Variants in RFX2 observed in about 807,000 individuals in gnomAD.
The protein encoded by RFX2 is regulatory factor X2.
A neutral mutation model predicts 87.8 loss-of-function variants in RFX2; 20 were observed. The ratio of observed to expected loss-of-function variants is 0.23; its 90% CI spans 0.16 to 0.33. The LOEUF is 0.33. RFX2 is among the 10% of genes least tolerant of loss of function. The probability of loss-of-function intolerance (pLI) is 1.00; values close to 1 mark genes in which losing one functional copy is unlikely to be tolerated. For missense variants in RFX2, 767 were observed against 1,012.3 expected (o/e 0.76, Z 3.29); for synonymous variants, 397 against 431.3 (o/e 0.92, Z 0.98).
intron 13 of RFX2, among the ~76,000 whole-genome samples, chr19:6,003,777 T>TGAAAAA (rs1318446976): frequency 6.1e-5 from 2 of 32,834 alleles, no homozygotes; most frequent in Non-Finnish European, 1.0e-4. Context: ...AGACTCTGTC[T>TGAAAAA]CAAAAAAAAA....
Position 6,024,289 on chromosome 19 carries a change from A to G in RFX2, c.597+1874T>C, listed in dbSNP as rs1366524938. 6.6e-6 allele frequency among the ~76,000 whole-genome samples: 1 copy of G among 152,058 alleles called. No individual in the cohort carries two copies. Among genetic ancestry groups the G allele is most frequent in the Non-Finnish European group, 1.5e-5 (1 of 68,002 alleles). ...CCCATGTATGTGCTCTGAGTTTAAG[A>G]CTGGGGGCTGGGGAGATCCTCTCTC... On this transcript the variant is annotated intron_variant, in intron 6 of 17. Coordinates refer to ENST00000303657, the MANE Select transcript of RFX2 (RefSeq NM_000635.4). The surrounding 1 kb of genome is among the most constrained non-coding windows in gnomAD (Gnocchi z 5.0).
rs1329880159 is a variant in RFX2, at chr19:6,012,563, G to C, written c.899+423C>G. On this transcript the variant is annotated intron_variant, in intron 8 of 17. Transcript: ENST00000303657. This position sits in a 1 kb window ranked among gnomAD's most constrained non-coding sequence, Gnocchi z 4.6. Reference sequence around the variant, plus strand: ...CCAAGAGTGAGCCCTGATGTTGACTGTGGACTCTGGGGGGTGATGCTGGCT... The same window carrying C: ...CCAAGAGTGAGCCCTGATGTTGACTCTGGACTCTGGGGGGTGATGCTGGCT... Among the ~76,000 whole-genome samples the C allele has an allele frequency of 1.1e-4, 16 of 152,106 alleles. No homozygotes were observed. The highest frequency in any genetic ancestry group is 1.0e-3 in the Admixed American group (16 of 15,274).
Position 6,039,080 on chromosome 19 carries a change from A to G in RFX2, c.522+900T>C, listed in dbSNP as rs1216363512. On this transcript the variant is annotated intron_variant, in intron 5 of 17. Coordinates refer to ENST00000303657, the MANE Select transcript of RFX2 (RefSeq NM_000635.4). This position sits in a 1 kb window ranked among gnomAD's most constrained non-coding sequence, Gnocchi z 5.2. ...CTGGAAACCATCCAAATGGCCCTCA[A>G]CTAGTGAATGAATAAACAAACTGTA... 6.6e-6 allele frequency among the ~76,000 whole-genome samples: 1 copy of G among 152,232 alleles called. No homozygotes were observed. Among genetic ancestry groups the G allele is most frequent in the African/African-American group, 2.4e-5 (1 of 41,456 alleles).
rs1007247167 is a variant in RFX2, at chr19:6,050,294, T to A, written c.-8-2790A>T. Among the ~76,000 whole-genome samples, 3 of 151,830 alleles carry A rather than the reference T, an allele frequency of 2.0e-5. No homozygotes were observed. Among genetic ancestry groups the A allele is most frequent in the African/African-American group, 7.3e-5 (3 of 41,280 alleles). ...GATGTCCAGGACCCAGTAAAAACCA[T>A]GAGCTATGAAAAGAAACAGGAAAGT... is the stretch of plus-strand genomic sequence containing the variant. On this transcript the variant is annotated intron_variant, in intron 1 of 17. Coordinates refer to ENST00000303657, the MANE Select transcript of RFX2 (RefSeq NM_000635.4). The surrounding 1 kb of genome is among the most constrained non-coding windows in gnomAD (Gnocchi z 4.6).
Position 6,047,475 on chromosome 19 carries a change from C to T in RFX2, c.22G>A (p.Ala8Thr), listed in dbSNP as rs1467661000. Reference protein sequence around the residue: MQNSEGGADSPASVALRP... With the variant: MQNSEGGTDSPASVALRP... ...AGAGCCACGGACGCTGGCGAATCCG[C>T]TCCACCCTCGGAATTCTGCATGCTC... Residue 8 changes from alanine to threonine, a missense_variant, in exon 2 of 18, where the codon GCG (alanine) becomes ACG (threonine). Around this residue, in one of 2 missense-constraint regions of RFX2, gnomAD observed 146 missense variants for 139.2 expected, o/e 1.05. Transcript: ENST00000303657. This position sits in a 1 kb window ranked among gnomAD's most constrained non-coding sequence, Gnocchi z 4.2. The T allele has an allele frequency of 3.7e-6, 6 of 1,608,478 alleles. No individual in the cohort carries two copies. The Admixed American group carries it at 1.0e-4, about 27-fold the overall frequency.
Position 5,998,451 on chromosome 19 carries a change from C to T in RFX2, c.1860-1238G>A, listed in dbSNP as rs1277990972. 6.6e-6 allele frequency among the ~76,000 whole-genome samples: 1 copy of T among 152,212 alleles called. No individual in the cohort carries two copies. The highest frequency in any genetic ancestry group is 1.5e-5 in the Non-Finnish European group (1 of 68,030). On this transcript the variant is annotated intron_variant, in intron 15 of 17. Coordinates refer to ENST00000303657, the MANE Select transcript of RFX2 (RefSeq NM_000635.4). This position sits in a 1 kb window ranked among gnomAD's most constrained non-coding sequence, Gnocchi z 4.2. ...ACTGCCCCGGCTCGAAGTATACTTTCATAAACTCTGTTACGTCTAATCGGT... is the reference window on the plus strand; with the variant it reads ...ACTGCCCCGGCTCGAAGTATACTTTTATAAACTCTGTTACGTCTAATCGGT...
chr19:6,000,430 A>C (rs1490619203), intron 15 of RFX2, among the ~76,000 whole-genome samples: 2 of 152,244 alleles, frequency 1.3e-5, no homozygotes, highest in Non-Finnish European at 2.9e-5. Flanking sequence ...TTATTTGCAC[A>C]ATGGGCTGGG....
In RFX2 at chr19:6,001,540, G is replaced by C. The variant is rs142534278; in HGVS notation, c.1859+275C>G. ...CCCAAAGTGGTGGGATTATAAGTAT[G>C]AGCCACCATGCCCAGCCCTCAGTGA... On this transcript the variant is annotated intron_variant, in intron 15 of 17. Transcript: ENST00000303657. The surrounding 1 kb of genome is among the most constrained non-coding windows in gnomAD (Gnocchi z 5.6). 6.8e-3 allele frequency among the ~76,000 whole-genome samples: 1,039 copies of C among 152,306 alleles called. 6 individuals are homozygous for C. Among genetic ancestry groups the C allele is most frequent in the Non-Finnish European group, 0.011 (742 of 68,030 alleles).
chr19:6,002,581 T>G lies in RFX2; in HGVS notation c.1650+140A>C, dbSNP rs2086506036. 1 of 1,043,504 alleles carries G rather than the reference T, an allele frequency of 9.6e-7. No homozygotes were observed. Among genetic ancestry groups the G allele is most frequent in the Non-Finnish European group, 1.4e-6 (1 of 713,340 alleles). The allele number at this position is 1,043,504 out of a possible 1,614,324, so 64.6% of individuals were successfully genotyped here. A position where few individuals can be genotyped will look rare whatever the true frequency, so the allele number is the denominator to read the frequency against. ...TGGGGGCTGTGGGTGGGCTTTGGCC[T>G]GGGACCCGTGTCATGCAACAGAACC... On this transcript the variant is annotated intron_variant, in intron 14 of 17. Transcript: ENST00000303657. The surrounding 1 kb of genome is among the most constrained non-coding windows in gnomAD (Gnocchi z 6.7).
At chr19:6,046,926 G>A (rs2087198918) in intron 2 of RFX2, among the ~76,000 whole-genome samples, 1 of 147,344 alleles carries the variant, frequency 6.8e-6, no homozygotes, top group African/African-American at 2.7e-5. Flanking sequence ...ACCACGCTTG[G>A]CTAATTTTTT....
chr19:6,099,135 C>T (rs574642973), intron 1 of RFX2, among the ~76,000 whole-genome samples: 1 of 152,214 alleles, frequency 6.6e-6, no homozygotes, highest in Non-Finnish European at 1.5e-5. Context: ...ATATTTGTTC[C>T]AAATTGACTT....
intron 1 of RFX2, among the ~76,000 whole-genome samples, chr19:6,082,202 G>C (rs2087794554): frequency 6.6e-6 from 1 of 151,664 alleles, no homozygotes; most frequent in South Asian, 2.1e-4. Context: ...GCTGAGGCAG[G>C]AGAATCATTT....
At chr19:6,025,365 C>A (rs746485177) in intron 6 of RFX2, among the ~76,000 whole-genome samples, 3 of 152,152 alleles carry the variant, frequency 2.0e-5, no homozygotes, top group Non-Finnish European at 4.4e-5. Context: ...AAATCCTAGA[C>A]GCTAAAATCT....
chr19:6,088,631 T>A (rs1288143329), intron 1 of RFX2, among the ~76,000 whole-genome samples: 3 of 152,192 alleles, frequency 2.0e-5, no homozygotes, highest in African/African-American at 7.2e-5. Flanking sequence ...GATAACAAAG[T>A]AAATATTATT....
Position 6,022,547 on chromosome 19 carries a change from C to T in RFX2, c.597+3616G>A, listed in dbSNP as rs2086829603. 2.0e-5 allele frequency among the ~76,000 whole-genome samples: 3 copies of T among 152,334 alleles called. No homozygotes were observed. The South Asian group carries it at 6.2e-4, about 32-fold the overall frequency. On this transcript the variant is annotated intron_variant, in intron 6 of 17. Transcript: ENST00000303657. The surrounding 1 kb of genome is among the most constrained non-coding windows in gnomAD (Gnocchi z 6.2). ...AGCCTGAGGGCAGCCCGGTGGCCCC[C>T]AGGGGCTGAGGCCGCCTCTTCTGCT...
intron 12 of RFX2, among the ~76,000 whole-genome samples, chr19:6,005,113 A>G (rs2086563049): frequency 6.6e-6 from 1 of 152,236 alleles, no homozygotes; most frequent in Non-Finnish European, 1.5e-5. Context: ...CTGTCTTAAA[A>G]AAAACCAGAA....
intron 3 of RFX2, among the ~76,000 whole-genome samples, chr19:6,042,721 G>A (rs1025009593): frequency 6.6e-6 from 1 of 152,200 alleles, no homozygotes; most frequent in Non-Finnish European, 1.5e-5. Flanking sequence ...GAGAGATGGG[G>A]CAATGGGGGG....
At chr19:6,057,894 G>C (rs75915449) in intron 1 of RFX2, among the ~76,000 whole-genome samples, 3,462 of 152,178 alleles carry the variant, frequency 0.023, 139 homozygotes, top group African/African-American at 0.08. Context: ...CCAGGTCCTC[G>C]GAGTAAGTGA....
chr19:6,095,613 G>C (rs946975087), intron 1 of RFX2, among the ~76,000 whole-genome samples: 2 of 152,056 alleles, frequency 1.3e-5, no homozygotes, highest in African/African-American at 4.8e-5. Flanking sequence ...GTAAACAAGG[G>C]GAGGGTGTGT....
Sources: allele counts gnomAD v4.1 joint callset (sites outside exome capture counted in the v4.1 genomes callset), GRCh38; gene constraint gnomAD v4.1.1; regional missense constraint gnomAD v4.1.1; non-coding constraint Gnocchi (gnomAD v3.1); transcripts MANE v1.5; gene names NCBI Gene and HGNC (gene_info 2026-07-23, HGNC 2026-07-21).